The following TRPM3 variants were observed in gnomAD, a reference collection of about 807,000 sequenced individuals.
TRPM3 encodes the protein long transient receptor potential channel 3.
In TRPM3, 77 loss-of-function variants were observed where a neutral mutation model predicts 181.2. The observed-to-expected ratio is 0.42, with a 90% CI of 0.35 to 0.51. The LOEUF (loss-of-function observed/expected upper bound fraction) is 0.51. Ranked by LOEUF, TRPM3 falls within the 20% of genes least tolerant of loss-of-function variation. TRPM3 has a pLI of 0.01. For missense variants in TRPM3, 1,759 were observed against 2,196.7 expected (o/e 0.80, Z 3.98); for synonymous variants, 745 against 796.4 (o/e 0.94, Z 1.09).
chr9:70,940,185 T>C (rs1057224384), intron 1 of TRPM3, among the ~76,000 whole-genome samples: 2 of 152,204 alleles, frequency 1.3e-5, no homozygotes, highest in African/African-American at 4.8e-5. Context: ...GTTAAAATTA[T>C]TTCAGCCTCG....
chr9:71,285,960 C>T (rs1490930102), intron 1 of TRPM3, among the ~76,000 whole-genome samples: 1 of 152,142 alleles, frequency 6.6e-6, no homozygotes, highest in African/African-American at 2.4e-5. Context: ...TCATATTTGT[C>T]TATAACTTTC....
chr9:70,590,929 T>C (rs1357256056), intron 22 of TRPM3, 102 bp downstream of exon 22: 18 of 1,510,608 alleles, frequency 1.2e-5, no homozygotes, highest in Admixed American at 5.1e-5. Context: ...GTCCTCTATC[T>C]TGAGCCATTT....
intron 1 of TRPM3, among the ~76,000 whole-genome samples, chr9:70,890,483 G>A (rs2096181331): frequency 6.6e-6 from 1 of 152,008 alleles, no homozygotes; most frequent in African/African-American, 2.4e-5. Flanking sequence ...ACTGTGAGTG[G>A]CCAGTGGAGT....
intron 1 of TRPM3, among the ~76,000 whole-genome samples, chr9:71,395,169 T>G (rs1039744711): frequency 6.6e-6 from 1 of 152,208 alleles, no homozygotes; most frequent in African/African-American, 2.4e-5. Flanking sequence ...CGTTTTTTCC[T>G]GCACAGCTCA....
intron 1 of TRPM3, among the ~76,000 whole-genome samples, chr9:71,412,989 AT>A (rs1243109720): frequency 6.6e-6 from 1 of 152,042 alleles, no homozygotes; most frequent in African/African-American, 2.4e-5. Flanking sequence ...TGAGCAAACT[AT>A]CACAAGGACA....
At position 70,897,548 on chromosome 9, in the gene TRPM3, A is replaced by G. The variant is rs1473230775; in HGVS notation, c.178-33037T>C. Among the ~76,000 whole-genome samples, 3 of 152,102 alleles carry G rather than the reference A, an allele frequency of 2.0e-5. 1 individual carries two copies. The highest frequency in any genetic ancestry group is 7.2e-5 in the African/African-American group (3 of 41,394). On this transcript the variant is annotated intron_variant, in intron 1 of 25. Coordinates refer to ENST00000677713, the MANE Select transcript of TRPM3 (RefSeq NM_001366145.2). The stretch of plus-strand genomic sequence containing the variant: ...TTCTGTTTGGAGGTTCTTTTATTAC[A>G]TCAAACAGTTGTAACAGCCCGCAAG...
At chr9:71,152,993 C>A (rs1245168467) in intron 1 of TRPM3, among the ~76,000 whole-genome samples, 2 of 152,042 alleles carry the variant, frequency 1.3e-5, no homozygotes, top group African/African-American at 4.8e-5. Flanking sequence ...GAGAAGCAGC[C>A]CCTGTCATAG....
At chr9:71,040,305 T>A (rs1590894353) in intron 1 of TRPM3, among the ~76,000 whole-genome samples, 1 of 152,324 alleles carries the variant, frequency 6.6e-6, no homozygotes, top group Non-Finnish European at 1.5e-5. Flanking sequence ...AGGTAAATAT[T>A]AGTGAATGAA....
chr9:70,698,505 C>T (rs979820371), intron 8 of TRPM3, among the ~76,000 whole-genome samples: 2 of 152,146 alleles, frequency 1.3e-5, no homozygotes, highest in African/African-American at 2.4e-5. Context: ...CCCTGAGACA[C>T]GCATGCTAAC....
At chr9:70,784,787 G>A (rs1051263641) in intron 6 of TRPM3, among the ~76,000 whole-genome samples, 12 of 152,162 alleles carry the variant, frequency 7.9e-5, no homozygotes, top group Non-Finnish European at 1.3e-4. Flanking sequence ...ATCAGCTGGG[G>A]ACATATTTTA....
intron 1 of TRPM3, among the ~76,000 whole-genome samples, chr9:70,918,370 G>A (rs555600373): frequency 2.6e-5 from 4 of 151,986 alleles, no homozygotes; most frequent in Admixed American, 6.6e-5. Context: ...ACTATATGTC[G>A]GATCACAAAA....
intron 9 of TRPM3, among the ~76,000 whole-genome samples, chr9:70,658,874 A>C (rs1309838105): frequency 6.6e-6 from 1 of 152,072 alleles, no homozygotes; most frequent in Non-Finnish European, 1.5e-5. Context: ...AACAGCATGG[A>C]CTGAACTAAC....
At chr9:71,092,798 G>A (rs2066440518) in intron 1 of TRPM3, among the ~76,000 whole-genome samples, 1 of 152,008 alleles carries the variant, frequency 6.6e-6, no homozygotes, top group Non-Finnish European at 1.5e-5. Flanking sequence ...ACATTCATTT[G>A]TTTAAAAATA....
At chr9:70,818,223 G>A (rs919327456) in intron 6 of TRPM3, among the ~76,000 whole-genome samples, 18 of 152,204 alleles carry the variant, frequency 1.2e-4, no homozygotes, top group African/African-American at 4.3e-4. Context: ...GAAATGGAAT[G>A]TGAATTTTTG....
intron 1 of TRPM3, among the ~76,000 whole-genome samples, chr9:71,187,803 T>C (rs893549033): frequency 6.6e-6 from 1 of 151,892 alleles, no homozygotes; most frequent in Admixed American, 6.6e-5. Context: ...TATATGAACA[T>C]AGTTTTCATA....
chr9:71,083,689 A>C (rs2064783892), intron 1 of TRPM3, among the ~76,000 whole-genome samples: 1 of 148,580 alleles, frequency 6.7e-6, no homozygotes, highest in Admixed American at 6.9e-5. Flanking sequence ...TGTTGCATAA[A>C]AGTCCCCAAA....
intron 1 of TRPM3, among the ~76,000 whole-genome samples, chr9:71,314,628 C>T (rs1588445733): frequency 6.6e-6 from 1 of 152,102 alleles, no homozygotes; most frequent in Non-Finnish European, 1.5e-5. Flanking sequence ...GAGAGCATGA[C>T]ACATTCCATC....
chr9:70,868,950 G>C, intron 1 of TRPM3: 1 of 976,530 alleles, frequency 1.0e-6, no homozygotes. Context: ...ATATTGAGAA[G>C]TTGAACAAGA....
intron 17 of TRPM3, among the ~76,000 whole-genome samples, chr9:70,616,995 T>C: frequency 6.6e-6 from 1 of 152,138 alleles, no homozygotes; most frequent in East Asian, 1.9e-4. Context: ...TGAACCTCCT[T>C]AAAGAAACTG....
Sources: allele counts gnomAD v4.1 joint callset (sites outside exome capture counted in the v4.1 genomes callset), GRCh38; gene constraint gnomAD v4.1.1; transcripts MANE v1.5; gene names NCBI Gene and HGNC (gene_info 2026-07-23, HGNC 2026-07-21).